Variants in KALRN observed in about 807,000 individuals in gnomAD.
KALRN encodes the protein kalirin RhoGEF kinase.
In KALRN, 70 loss-of-function variants were observed where a neutral mutation model predicts 353.7. The ratio of observed to expected loss-of-function variants is 0.20; its 90% CI spans 0.16 to 0.24. KALRN has a LOEUF of 0.24. Ranked by LOEUF, KALRN falls within the 10% of genes least tolerant of loss-of-function variation. KALRN has a pLI of 1.00. For synonymous variants in KALRN, 1,391 were observed against 1,434.8 expected (o/e 0.97, Z 0.69); for missense variants, 2,791 against 3,756.7 (o/e 0.74, Z 6.72).
chr3:124,491,308 AT>A lies in KALRN; in HGVS notation c.4588-12del. 6.5e-7 allele frequency: 1 copy of A among 1,548,788 alleles called. No individual in the cohort carries two copies. Among genetic ancestry groups the A allele is most frequent in the African/African-American group, 1.4e-5 (1 of 72,312 alleles). ...CTCCCCTTCCCCGCCTCTCATAGGCATTTCCTGTCTACAGACCTCAGAGCTG... is the reference window on the plus strand; with the variant it reads ...CTCCCCTTCCCCGCCTCTCATAGGCATTCCTGTCTACAGACCTCAGAGCTG... On this transcript the variant is annotated splice_polypyrimidine_tract_variant and intron_variant, in intron 30 of 59. Coordinates refer to ENST00000682506, the MANE Select transcript of KALRN (RefSeq NM_001388419.1).
At position 124,719,574 on chromosome 3, in the gene KALRN, T is replaced by G. The variant is rs147350433; in HGVS notation, c.*104T>G. 37 of 1,137,436 alleles carry G rather than the reference T, an allele frequency of 3.3e-5. No individual in the cohort carries two copies. In the African/African-American group the frequency reaches 5.3e-4, roughly 16 times the overall value. 70.5% of individuals were successfully genotyped at this position (1,137,436 alleles called of 1,614,324 possible). On this transcript the variant is annotated 3_prime_UTR_variant, in exon 60 of 60. Transcript: ENST00000682506. This position sits in a 1 kb window ranked among gnomAD's most constrained non-coding sequence, Gnocchi z 5.3. ...TGTTCATCATTTCACTCCGTGCAGT[T>G]CTCTGAATTGAGAGATGTACCTCTT...
intron 32 of KALRN, among the ~76,000 whole-genome samples, chr3:124,495,965 G>GTATGTATA (rs2063707218): frequency 4.8e-5 from 2 of 41,476 alleles, no homozygotes; most frequent in African/African-American, 1.4e-4. Flanking sequence ...GTGTATGTAT[G>GTATGTATA]TATATATATA....
chr3:124,140,201 T>C (rs1325285832), intron 1 of KALRN, among the ~76,000 whole-genome samples: 1 of 152,110 alleles, frequency 6.6e-6, no homozygotes, highest in Non-Finnish European at 1.5e-5. Flanking sequence ...TCTCCTCCTC[T>C]CCAAAGCATT....
Position 124,446,806 on chromosome 3 carries a change from C to T in KALRN, c.3473C>T (p.Thr1158Ile). 4 of 1,614,054 alleles carry T rather than the reference C, an allele frequency of 2.5e-6. No individual in the cohort carries two copies. The highest frequency in any genetic ancestry group is 1.1e-5 in the South Asian group (1 of 91,072). The change falls in exon 21 of 60, where the codon ACA becomes ATA. Residue 1158 changes from threonine to isoleucine, a missense_variant. Around this residue, in one of 11 missense-constraint regions of KALRN, gnomAD observed 268 missense variants for 347.0 expected, o/e 0.77. Transcript: ENST00000682506. ...IQETGEFYLS[T>I]HTSTGETTEE... ...GAAACAGGTGAATTTTACCTCTCAA[C>T]ACATACCTCCACTGGAGAGACCACA...
chr3:124,278,425 T>G (rs2074996510), intron 5 of KALRN, among the ~76,000 whole-genome samples: 1 of 151,162 alleles, frequency 6.6e-6, no homozygotes, highest in Non-Finnish European at 1.5e-5. Context: ...GGAAAGGTTT[T>G]GGTACCCTGT....
At chr3:124,593,872 C>G (rs2076032431) in intron 34 of KALRN, among the ~76,000 whole-genome samples, 1 of 152,146 alleles carries the variant, frequency 6.6e-6, no homozygotes, top group Non-Finnish European at 1.5e-5. Context: ...GCCACATTCC[C>G]CTGCCAAACG....
In KALRN at chr3:124,725,817, C is replaced by T. The variant is rs948003108; in HGVS notation, c.*6347C>T. 2.0e-5 allele frequency: 3 copies of T among 152,152 alleles called. No homozygotes were observed. Among genetic ancestry groups the T allele is most frequent in the Non-Finnish European group, 2.9e-5 (2 of 68,014 alleles). 9.4% of individuals were successfully genotyped at this position (152,152 alleles called of 1,614,324 possible). A position where few individuals can be genotyped will look rare whatever the true frequency, so the allele number is the denominator to read the frequency against. On this transcript the variant is annotated 3_prime_UTR_variant, in exon 60 of 60. Coordinates refer to ENST00000682506, the MANE Select transcript of KALRN (RefSeq NM_001388419.1). ...ATCTCTTGGTTTTGAGTGACCCCTG[C>T]CCCCCTCAAGTCTTTTGAGAATTTG...
chr3:124,697,497 C>T, intron 54 of KALRN, 96 bp from the exon 55 acceptor site: 2 of 1,268,168 alleles, frequency 1.6e-6, no homozygotes, highest in Non-Finnish European at 2.1e-6. Flanking sequence ...AAAATTGTGA[C>T]ATCGGTTAGG....
At chr3:124,314,929 A>G (rs931251543) in intron 6 of KALRN, among the ~76,000 whole-genome samples, 2 of 152,134 alleles carry the variant, frequency 1.3e-5, no homozygotes, top group African/African-American at 4.8e-5. Flanking sequence ...GGAATTACAG[A>G]TGTGAGCCAC....
intron 33 of KALRN, among the ~76,000 whole-genome samples, chr3:124,550,817 G>A (rs1352034630): frequency 2.6e-5 from 4 of 152,112 alleles, no homozygotes; most frequent in Admixed American, 6.5e-5. Flanking sequence ...GTGAAACCCC[G>A]TCTGTACTAA....
intron 1 of KALRN, among the ~76,000 whole-genome samples, chr3:124,205,963 T>C (rs2076376176): frequency 6.6e-6 from 1 of 152,220 alleles, no homozygotes; most frequent in Non-Finnish European, 1.5e-5. Context: ...TCTTGTTGCT[T>C]TTAAAGAAAC....
intron 1 of KALRN, among the ~76,000 whole-genome samples, chr3:124,063,695 G>A (rs1454002596): frequency 6.6e-6 from 1 of 152,162 alleles, no homozygotes; most frequent in Non-Finnish European, 1.5e-5. Context: ...CTTGAACTTT[G>A]TCAGCTACTT....
chr3:124,663,147 A>T (rs926424587), intron 45 of KALRN, among the ~76,000 whole-genome samples: 9 of 152,174 alleles, frequency 5.9e-5, no homozygotes, highest in Admixed American at 2.0e-4. Flanking sequence ...GGGTTTCTCC[A>T]TGTTGGTCAG....
chr3:124,452,543 G>A (rs898359688), intron 21 of KALRN, among the ~76,000 whole-genome samples: 1 of 152,132 alleles, frequency 6.6e-6, no homozygotes, highest in Non-Finnish European at 1.5e-5. Context: ...GAGGAAAAAG[G>A]GCATTCAATT....
rs143519745 is a variant in KALRN, at chr3:124,456,691, G to A, written c.3817G>A (p.Val1273Ile). 1.9e-6 allele frequency: 3 copies of A among 1,613,206 alleles called. No individual in the cohort carries two copies. Among genetic ancestry groups the A allele is most frequent in the Non-Finnish European group, 2.5e-6 (3 of 1,179,488 alleles). The change falls in exon 23 of 60, where the codon GTC (valine) becomes ATC (isoleucine). Residue 1273 changes from valine (V) to isoleucine (I), a missense_variant. By Grantham distance (29) the Val-to-Ile change is conservative. Around this residue, in one of 11 missense-constraint regions of KALRN, gnomAD observed 268 missense variants for 347.0 expected, o/e 0.77. Transcript: ENST00000682506. Reference protein sequence around the residue: ...EVKLRDANHEVNEEKRKSARK... With the variant: ...EVKLRDANHEINEEKRKSARK... ...CAAGCTGCGGGACGCCAACCACGAA[G>A]TCAATGAAGAGAAGCGGAAGTCAGC...
chr3:124,070,435 C>G (rs149196830), intron 1 of KALRN, among the ~76,000 whole-genome samples: 1 of 152,152 alleles, frequency 6.6e-6, no homozygotes, highest in Non-Finnish European at 1.5e-5. Flanking sequence ...GGAACCTTTG[C>G]TTGAATGTTC....
At chr3:124,242,806 T>G (rs933244333) in intron 3 of KALRN, among the ~76,000 whole-genome samples, 4 of 152,082 alleles carry the variant, frequency 2.6e-5, no homozygotes, top group South Asian at 2.1e-4. Context: ...GGTGGTGGTG[T>G]TGGGGTCCTT....
intron 1 of KALRN, among the ~76,000 whole-genome samples, chr3:124,219,992 C>T (rs1046225722): frequency 7.9e-5 from 12 of 151,636 alleles, no homozygotes; most frequent in South Asian, 2.1e-4. Context: ...TCTCCCAGGC[C>T]GGAGTGCAGT....
intron 5 of KALRN, among the ~76,000 whole-genome samples, chr3:124,272,803 T>G (rs116998659): frequency 0.045 from 6,819 of 152,266 alleles, 181 homozygotes; most frequent in East Asian, 0.087. Context: ...ATTTAAAATA[T>G]CTGCGCGGAG....
Sources: allele counts gnomAD v4.1 joint callset (sites outside exome capture counted in the v4.1 genomes callset), GRCh38; gene constraint gnomAD v4.1.1; regional missense constraint gnomAD v4.1.1; non-coding constraint Gnocchi (gnomAD v3.1); transcripts MANE v1.5; gene names NCBI Gene and HGNC (gene_info 2026-07-23, HGNC 2026-07-21).